Variants in RAD51B observed in about 807,000 individuals in gnomAD.
RAD51B encodes the protein DNA repair protein RAD51 homolog 2.
RAD51B carries 38 observed loss-of-function variants against 42.2 expected under a neutral mutation model. The ratio of observed to expected loss-of-function variants is 0.90; its 90% CI spans 0.70 to 1.18. RAD51B has a LOEUF of 1.18. RAD51B is among the 50% of genes most tolerant of loss of function. The pLI is 0.00. For synonymous variants in RAD51B, 154 were observed against 145.2 expected, an observed-to-expected ratio of 1.06 and a Z score of -0.43; for missense variants, 373 against 400.7, an observed-to-expected ratio of 0.93 and a Z score of 0.59.
intron 1 of RAD51B, among the ~76,000 whole-genome samples, chr14:67,822,549 C>G (rs569883906): frequency 6.6e-6 from 1 of 151,634 alleles, no homozygotes; most frequent in African/African-American, 2.4e-5. Flanking sequence ...TGGTGTCGAC[C>G]CTGTCTCTAC....
intron 8 of RAD51B, among the ~76,000 whole-genome samples, chr14:68,395,812 G>A (rs983103662): frequency 4.6e-5 from 7 of 152,238 alleles, no homozygotes; most frequent in Admixed American, 2.0e-4. Flanking sequence ...GTGACTAAGT[G>A]TGTGACCTTG....
intron 8 of RAD51B, among the ~76,000 whole-genome samples, chr14:68,388,382 G>A (rs2083655800): frequency 1.3e-5 from 2 of 152,052 alleles, no homozygotes; most frequent in Non-Finnish European, 2.9e-5. Flanking sequence ...ACAGGCATGA[G>A]CCACCACACT....
chr14:67,903,050 G>T (rs1307862754), intron 7 of RAD51B, among the ~76,000 whole-genome samples: 1 of 151,944 alleles, frequency 6.6e-6, no homozygotes, highest in African/African-American at 2.4e-5. Flanking sequence ...GAGAGATAGG[G>T]TTTCACCATG....
chr14:68,410,706 T>G (rs1216532791), intron 8 of RAD51B, among the ~76,000 whole-genome samples: 1 of 152,032 alleles, frequency 6.6e-6, no homozygotes, highest in Non-Finnish European at 1.5e-5. Flanking sequence ...AAGGAGCAGG[T>G]AGGGAACAGA....
chr14:68,436,902 T>A (rs1165215208), intron 9 of RAD51B, among the ~76,000 whole-genome samples: 3 of 152,198 alleles, frequency 2.0e-5, no homozygotes, highest in Non-Finnish European at 4.4e-5. Context: ...ATTTATCAGC[T>A]GTAGGAGGCT....
intron 8 of RAD51B, among the ~76,000 whole-genome samples, chr14:68,382,407 A>G (rs1433671550): frequency 1.3e-5 from 2 of 152,240 alleles, no homozygotes; most frequent in East Asian, 3.8e-4. Flanking sequence ...TCAGCGCCAT[A>G]AGATATTTTG....
intron 7 of RAD51B, among the ~76,000 whole-genome samples, chr14:67,927,309 T>C (rs879802680): frequency 2.0e-5 from 3 of 152,362 alleles, no homozygotes; most frequent in Non-Finnish European, 2.9e-5. Flanking sequence ...GTCTCCATCA[T>C]CATGAGTGCT....
intron 4 of RAD51B, among the ~76,000 whole-genome samples, chr14:67,848,611 T>A (rs1446300073): frequency 6.6e-6 from 1 of 152,188 alleles, no homozygotes; most frequent in East Asian, 1.9e-4. Flanking sequence ...ATATGAGACT[T>A]TGATCCTGTC....
At chr14:67,985,243 T>C (rs1348010502) in intron 7 of RAD51B, among the ~76,000 whole-genome samples, 3 of 152,242 alleles carry the variant, frequency 2.0e-5, no homozygotes, top group Non-Finnish European at 4.4e-5. Flanking sequence ...TACATATTAC[T>C]ATACTTTTGT....
chr14:68,202,573 CTTTTTTTTT>C (rs145298493), intron 7 of RAD51B, among the ~76,000 whole-genome samples: 1 of 81,612 alleles, frequency 1.2e-5, no homozygotes, highest in Non-Finnish European at 2.4e-5. Flanking sequence ...GAAGCAACGT[CTTTTTTTTT>C]TTTTTTTTTT....
At chr14:67,856,938 C>T (rs368064587) in intron 4 of RAD51B, among the ~76,000 whole-genome samples, 2 of 150,836 alleles carry the variant, frequency 1.3e-5, no homozygotes, top group African/African-American at 2.4e-5. Context: ...CTGGTGTTTT[C>T]GCTGTGTAAA....
At position 67,840,806 on chromosome 14, in the gene RAD51B, C is replaced by CT. The variant is rs139189527; in HGVS notation, c.315+5625dup. ...CTTTCCAGCATCTATTATTTTTTGA[C>CT]TTTTTTTTTTTTTTTGGGACAGAGT... On this transcript the variant is annotated intron_variant, in intron 4 of 10. Transcript: ENST00000471583. 5.5e-3 allele frequency among the ~76,000 whole-genome samples: 800 copies of CT among 145,142 alleles called. 10 individuals carry two copies. In the East Asian group the frequency reaches 0.073, roughly 13 times the overall value.
At chr14:68,184,370 G>T (rs1366760130) in intron 7 of RAD51B, among the ~76,000 whole-genome samples, 1 of 151,998 alleles carries the variant, frequency 6.6e-6, no homozygotes, top group African/African-American at 2.4e-5. Flanking sequence ...TGAGTAGCTG[G>T]GACTACAGGT....
intron 7 of RAD51B, among the ~76,000 whole-genome samples, chr14:68,106,901 G>T (rs1366570038): frequency 6.6e-6 from 1 of 151,810 alleles, no homozygotes; most frequent in Non-Finnish European, 1.5e-5. Context: ...TAAATATATT[G>T]TTTCTAATCC....
chr14:68,514,413 G>A (rs1383698980), intron 10 of RAD51B, among the ~76,000 whole-genome samples: 1 of 152,104 alleles, frequency 6.6e-6, no homozygotes, highest in Non-Finnish European at 1.5e-5. Context: ...TGAAACAAGT[G>A]GACAAATCTG....
At chr14:67,896,986 C>G (rs1345945382) in intron 7 of RAD51B, among the ~76,000 whole-genome samples, 2 of 152,068 alleles carry the variant, frequency 1.3e-5, no homozygotes, top group African/African-American at 4.8e-5. Context: ...CAAGAATACA[C>G]AAGGGGGAAA....
chr14:68,480,961 C>A (rs1883132603), downstream of RAD51B, among the ~76,000 whole-genome samples: 1 of 152,194 alleles, frequency 6.6e-6, no homozygotes, highest in Admixed American at 6.5e-5. Flanking sequence ...TTGTATATTT[C>A]TTTTGACTCT....
At position 68,033,797 on chromosome 14, in the gene RAD51B, T is replaced by C. The variant is rs201359421; in HGVS notation, c.756+146593T>C. ...CAGTCACCATTGAGCCAAAGTAGGC[T>C]ATGGGGCTGAATCATCCCAGACAGG... On this transcript the variant is annotated intron_variant, in intron 7 of 10. Coordinates refer to ENST00000471583, the MANE Select transcript of RAD51B (RefSeq NM_133510.4). 3.9e-5 allele frequency among the ~76,000 whole-genome samples: 6 copies of C among 152,162 alleles called. No homozygotes were observed. In the East Asian group the frequency reaches 1.2e-3, roughly 29 times the overall value.
intron 7 of RAD51B, among the ~76,000 whole-genome samples, chr14:68,089,634 T>A (rs1372298026): frequency 6.6e-6 from 1 of 152,224 alleles, no homozygotes; most frequent in Non-Finnish European, 1.5e-5. Context: ...ATTGAGACCA[T>A]GCCAAGTGCC....
Sources: gnomAD v4.1 joint callset for allele counts (sites outside exome capture counted in the v4.1 genomes callset) on GRCh38, gnomAD v4.1.1 for gene constraint, MANE v1.5 for transcripts, NCBI Gene and HGNC (gene_info 2026-07-23, HGNC 2026-07-21) for gene names.